The following GALNT18 variants were observed in gnomAD, a reference collection of about 807,000 sequenced individuals.
The protein encoded by GALNT18 is polypeptide N-acetylgalactosaminyltransferase 18.
Under a neutral mutation model 69.5 loss-of-function variants are expected in GALNT18, and 44 were observed. The observed-to-expected ratio is 0.63, with a 90% CI of 0.50 to 0.81. The LOEUF (loss-of-function observed/expected upper bound fraction) is 0.81. Among genes scored for constraint, GALNT18 ranks in the 40% least tolerant of loss-of-function variants. GALNT18 has a pLI of 0.00. For synonymous variants in GALNT18, 364 were observed against 318.2 expected (o/e 1.14, Z -1.53); for missense variants, 715 against 810.0 (o/e 0.88, Z 1.42).
chr11:11,487,455 A>G (rs949095641), intron 1 of GALNT18, among the ~76,000 whole-genome samples: 6 of 152,234 alleles, frequency 3.9e-5, no homozygotes, highest in Non-Finnish European at 8.8e-5. Flanking sequence ...TTTATATTGC[A>G]TCCACATTAT....
In GALNT18 at chr11:11,616,856, G is replaced by A. The variant is rs969139945; in HGVS notation, c.235+4503C>T. On this transcript the variant is annotated intron_variant, in intron 1 of 10. Transcript: ENST00000227756. The surrounding 1 kb of genome is among the most constrained non-coding windows in gnomAD (Gnocchi z 4.4). ...AATGAAATATGACGGCTAAAAAGATGAGTGTTGTTTCTAAGAAAATTACTT... is the reference window on the plus strand; with the variant it reads ...AATGAAATATGACGGCTAAAAAGATAAGTGTTGTTTCTAAGAAAATTACTT... 6.6e-6 allele frequency among the ~76,000 whole-genome samples: 1 copy of A among 152,222 alleles called. No individual in the cohort carries two copies. Among genetic ancestry groups the A allele is most frequent in the African/African-American group, 2.4e-5 (1 of 41,450 alleles).
chr11:11,545,192 A>C (rs1262037157), intron 1 of GALNT18, among the ~76,000 whole-genome samples: 2 of 152,392 alleles, frequency 1.3e-5, no homozygotes, highest in East Asian at 3.9e-4. Flanking sequence ...CAAGATTCCA[A>C]GTCAGACTTG....
chr11:11,620,374 C>T lies in GALNT18; in HGVS notation c.235+985G>A, dbSNP rs1455797868. Among the ~76,000 whole-genome samples, 5 of 151,970 alleles carry T rather than the reference C, an allele frequency of 3.3e-5. No individual in the cohort carries two copies. The highest frequency in any genetic ancestry group is 1.2e-4 in the African/African-American group (5 of 41,322). On this transcript the variant is annotated intron_variant, in intron 1 of 10. Coordinates refer to ENST00000227756, the MANE Select transcript of GALNT18 (RefSeq NM_198516.3). The surrounding 1 kb of genome is among the most constrained non-coding windows in gnomAD (Gnocchi z 6.9). ...GCACACCCGGCACCAGTGCTCCTGG[C>T]GCCCGGAACTCCATTCCCTCCCATG...
intron 1 of GALNT18, among the ~76,000 whole-genome samples, chr11:11,501,684 A>G (rs1184526170): frequency 6.6e-6 from 1 of 152,170 alleles, no homozygotes; most frequent in African/African-American, 2.4e-5. Context: ...TGCCTTGACA[A>G]CCAGAAGACC....
At chr11:11,336,471 C>A (rs986457939) in intron 7 of GALNT18, among the ~76,000 whole-genome samples, 1 of 152,214 alleles carries the variant, frequency 6.6e-6, no homozygotes, top group African/African-American at 2.4e-5. Flanking sequence ...TAACACTTAC[C>A]TAGCGCTGTG....
chr11:11,387,084 C>G lies in GALNT18; in HGVS notation c.596-7820G>C, dbSNP rs762643707. On this transcript the variant is annotated intron_variant, in intron 3 of 10. Transcript: ENST00000227756. This position sits in a 1 kb window ranked among gnomAD's most constrained non-coding sequence, Gnocchi z 4.6. Reference sequence around the variant, plus strand: ...ACAAAAAGGCACCTCCTGCCAAATACGTGTGGTTCCAGCCCATAACACAAG... The same window carrying G: ...ACAAAAAGGCACCTCCTGCCAAATAGGTGTGGTTCCAGCCCATAACACAAG... 2.0e-5 allele frequency among the ~76,000 whole-genome samples: 3 copies of G among 152,184 alleles called. No homozygotes were observed. Among genetic ancestry groups the G allele is most frequent in the Non-Finnish European group, 4.4e-5 (3 of 68,036 alleles).
At position 11,428,698 on chromosome 11, in the gene GALNT18, T is replaced by G. The variant is rs540219466; in HGVS notation, c.595+3923A>C. On this transcript the variant is annotated intron_variant, in intron 3 of 10. Coordinates refer to ENST00000227756, the MANE Select transcript of GALNT18 (RefSeq NM_198516.3). ...TAGCAGTAAAACCTGGGCCCTGAATTTCTTTAAAGCCCTCCAAGTGATTCT... is the reference window on the plus strand; with the variant it reads ...TAGCAGTAAAACCTGGGCCCTGAATGTCTTTAAAGCCCTCCAAGTGATTCT... Among the ~76,000 whole-genome samples the G allele has an allele frequency of 7.9e-5, 12 of 152,332 alleles. No individual in the cohort carries two copies. In the South Asian group the frequency reaches 1.9e-3, roughly 24 times the overall value.
intron 1 of GALNT18, among the ~76,000 whole-genome samples, chr11:11,589,060 A>G (rs1179112553): frequency 1.3e-5 from 2 of 152,194 alleles, no homozygotes; most frequent in African/African-American, 2.4e-5. Context: ...TTCCCAACTG[A>G]TGGAAGAAAA....
intron 3 of GALNT18, among the ~76,000 whole-genome samples, chr11:11,390,514 C>G (rs916669057): frequency 1.3e-5 from 2 of 152,180 alleles, no homozygotes; most frequent in Non-Finnish European, 2.9e-5. Context: ...AGTTAAGGCT[C>G]CCACAGGCTG....
At chr11:11,420,957 A>C (rs1453818018) in intron 3 of GALNT18, among the ~76,000 whole-genome samples, 1 of 152,106 alleles carries the variant, frequency 6.6e-6, no homozygotes, top group Non-Finnish European at 1.5e-5. Flanking sequence ...TTCATTTATC[A>C]AAAACTGGTC....
intron 1 of GALNT18, among the ~76,000 whole-genome samples, chr11:11,531,658 C>T (rs1051669105): frequency 1.8e-4 from 28 of 152,218 alleles, no homozygotes; most frequent in Middle Eastern, 3.4e-3. Flanking sequence ...CTGTATCTTG[C>T]ACCAGGCAGC....
At chr11:11,468,893 G>A (rs1457609098) in intron 1 of GALNT18, among the ~76,000 whole-genome samples, 11 of 152,200 alleles carry the variant, frequency 7.2e-5, no homozygotes, top group African/African-American at 1.4e-4. Context: ...TGCCTTCAGC[G>A]ACCTTCGTTC....
chr11:11,453,904 T>C (rs1471900309), intron 1 of GALNT18, among the ~76,000 whole-genome samples: 4 of 152,178 alleles, frequency 2.6e-5, no homozygotes, highest in African/African-American at 7.2e-5. Context: ...CAGACTAATA[T>C]AGTCTCCATT....
chr11:11,360,386 C>T (rs1238161974), intron 6 of GALNT18, among the ~76,000 whole-genome samples: 1 of 152,214 alleles, frequency 6.6e-6, no homozygotes, highest in Admixed American at 6.5e-5. Context: ...CCGTTTAGCA[C>T]ATTAACCTGA....
At chr11:11,607,239 GC>G (rs533587034) in intron 1 of GALNT18, among the ~76,000 whole-genome samples, 183 of 152,250 alleles carry the variant, frequency 1.2e-3, no homozygotes, top group African/African-American at 4.1e-3. Context: ...TGAAAAATAA[GC>G]AAAACTCACA....
chr11:11,509,006 A>G (rs1857120918), intron 1 of GALNT18, among the ~76,000 whole-genome samples: 1 of 152,072 alleles, frequency 6.6e-6, no homozygotes, highest in Non-Finnish European at 1.5e-5. Context: ...ATCTGGCCCC[A>G]GCTCCCACCC....
At chr11:11,433,102 C>T (rs1442385955) in intron 2 of GALNT18, among the ~76,000 whole-genome samples, 1 of 152,214 alleles carries the variant, frequency 6.6e-6, no homozygotes, top group Non-Finnish European at 1.5e-5. Flanking sequence ...AAGAATGATT[C>T]AATGTTTCTA....
intron 9 of GALNT18, among the ~76,000 whole-genome samples, chr11:11,307,170 G>GAA (rs60401000): frequency 3.2e-4 from 49 of 151,112 alleles, no homozygotes; most frequent in East Asian, 9.8e-4. Context: ...CTGCTCTCAG[G>GAA]AAAAAAAAAT....
intron 3 of GALNT18, among the ~76,000 whole-genome samples, chr11:11,381,820 G>A (rs1412585351): frequency 1.3e-5 from 2 of 152,124 alleles, no homozygotes; most frequent in African/African-American, 2.4e-5. Flanking sequence ...AGCAGAGACA[G>A]GCTGCCCAGT....
Sources: allele counts gnomAD v4.1 joint callset (sites outside exome capture counted in the v4.1 genomes callset), GRCh38; gene constraint gnomAD v4.1.1; non-coding constraint Gnocchi (gnomAD v3.1); transcripts MANE v1.5; gene names NCBI Gene and HGNC (gene_info 2026-07-23, HGNC 2026-07-21).